NADK2: variants seen among roughly 807,000 people sequenced by gnomAD.
NADK2 encodes NAD kinase 2, mitochondrial, also known as NAD kinase domain-containing protein 1, mitochondrial.
A neutral mutation model predicts 62.1 loss-of-function variants in NADK2; 35 were observed. The observed-to-expected ratio is 0.56, with a 90% confidence interval of 0.43 to 0.75. The LOEUF (loss-of-function observed/expected upper bound fraction) is 0.75. NADK2 is among the 30% of genes least tolerant of loss of function. The probability of loss-of-function intolerance (pLI) is 0.00; values close to 1 mark genes in which losing one functional copy is unlikely to be tolerated. For synonymous variants in NADK2, 205 were observed against 207.9 expected, an observed-to-expected ratio of 0.99 and a Z score of 0.12; for missense variants, 439 against 561.3, an observed-to-expected ratio of 0.78 and a Z score of 2.20.
rs918272660 is a variant in NADK2, at chr5:36,215,395, A to G, written c.781+2353T>C. ...CAATGTATAATGATCAAATCAGGGT[A>G]TTTAGGATATCCATCACCTCAAATA... On this transcript the variant is annotated intron_variant, in intron 6 of 11. Transcript: ENST00000381937. 2.6e-5 allele frequency among the ~76,000 whole-genome samples: 4 copies of G among 152,216 alleles called. No homozygotes were observed. The East Asian group carries it at 7.7e-4, about 29-fold the overall frequency.
rs1374254384 is a variant in NADK2, at chr5:36,193,136, A to G, written c.*2008T>C. Reference sequence around the variant, plus strand: ...TACATATTAACAGATCTATTTGGACAATCAGATTTCCTTGAGATTAAGGAT... The same window carrying G: ...TACATATTAACAGATCTATTTGGACGATCAGATTTCCTTGAGATTAAGGAT... On this transcript the variant is annotated 3_prime_UTR_variant, in exon 12 of 12. Transcript: ENST00000381937. The G allele has an allele frequency of 6.6e-6, 1 of 152,196 alleles. No homozygotes were observed. The highest frequency in any genetic ancestry group is 1.5e-5 in the Non-Finnish European group (1 of 68,030). 9.4% of individuals were successfully genotyped at this position (152,196 alleles called of 1,614,324 possible).
intron 1 of NADK2, among the ~76,000 whole-genome samples, chr5:36,235,887 AT>A (rs1404379069): frequency 0.1 from 1,819 of 18,012 alleles, 151 homozygotes; most frequent in East Asian, 0.31. Context: ...TATGAAGAAA[AT>A]ATATATATAT....
intron 1 of NADK2, among the ~76,000 whole-genome samples, chr5:36,227,796 G>A (rs1747538186): frequency 6.6e-6 from 1 of 151,372 alleles, no homozygotes; most frequent in African/African-American, 2.4e-5. Flanking sequence ...ATAGTCACCA[G>A]GATCTCAAAA....
intron 1 of NADK2, among the ~76,000 whole-genome samples, chr5:36,240,681 T>C (rs1413600714): frequency 6.6e-6 from 1 of 152,190 alleles, no homozygotes; most frequent in Non-Finnish European, 1.5e-5. Context: ...ACTCTGGTTT[T>C]TCCCTTGGAT....
At chr5:36,224,429 T>A (rs1747398705) in intron 4 of NADK2, among the ~76,000 whole-genome samples, 1 of 151,748 alleles carries the variant, frequency 6.6e-6, no homozygotes, top group Admixed American at 6.6e-5. Context: ...TGGTGGTGCA[T>A]GCCTATAGTC....
chr5:36,209,920 C>T (rs1375472831), intron 7 of NADK2, among the ~76,000 whole-genome samples: 1 of 152,102 alleles, frequency 6.6e-6, no homozygotes, highest in Admixed American at 6.6e-5. Flanking sequence ...CTGTTCAAAC[C>T]CTTCCGCTGA....
At chr5:36,237,344 A>C (rs892284521) in intron 1 of NADK2, among the ~76,000 whole-genome samples, 1 of 152,222 alleles carries the variant, frequency 6.6e-6, no homozygotes, top group Non-Finnish European at 1.5e-5. Context: ...TAGGCTAAAA[A>C]AAAAGGCACA....
chr5:36,226,363 T>A, intron 3 of NADK2, 112 bp downstream of exon 3: 1 of 723,432 alleles, frequency 1.4e-6, no homozygotes, highest in East Asian at 2.6e-5. Flanking sequence ...CAAAAATGTG[T>A]TTAATGGTAA....
At position 36,211,845 on chromosome 5, in the gene NADK2, T is replaced by C; in HGVS notation, c.859A>G (p.Arg287Gly). 6.2e-7 allele frequency: 1 copy of C among 1,612,136 alleles called. No individual in the cohort carries two copies. Among genetic ancestry groups the C allele is most frequent in the Non-Finnish European group, 8.5e-7 (1 of 1,178,832 alleles). Residue 287 changes from arginine (R) to glycine (G), a missense_variant and splice_region_variant, in exon 7 of 12, where the codon AGG becomes GGG. Arg to Gly is a moderately radical substitution (Grantham distance 125, BLOSUM62 -2). Transcript: ENST00000381937. Reference sequence around the variant, plus strand: ...TCAAGATCACAGGTTTAAAAGTACCTGGATGACAGACTCTCCCCAATGAAG... The same window carrying C: ...TCAAGATCACAGGTTTAAAAGTACCCGGATGACAGACTCTCCCCAATGAAG... ...EVFIGESLSS[R>G]ASYYEISVDD...
At chr5:36,210,557 AT>A (rs1561061930) in intron 7 of NADK2, among the ~76,000 whole-genome samples, 3 of 152,162 alleles carry the variant, frequency 2.0e-5, no homozygotes, top group African/African-American at 7.2e-5. Context: ...ATGAAAAAAA[AT>A]CATACAAATT....
At chr5:36,233,135 G>C (rs1747767194) in intron 1 of NADK2, among the ~76,000 whole-genome samples, 1 of 152,054 alleles carries the variant, frequency 6.6e-6, no homozygotes, top group East Asian at 1.9e-4. Context: ...TGTACTTTAA[G>C]TTCATGCTGC....
At chr5:36,240,386 T>G (rs1274802470) in intron 1 of NADK2, among the ~76,000 whole-genome samples, 1 of 152,212 alleles carries the variant, frequency 6.6e-6, no homozygotes, top group Non-Finnish European at 1.5e-5. Context: ...ACAATTTCAT[T>G]TTGATGCCTC....
intron 1 of NADK2, 94 bp from the exon 2 acceptor site, chr5:36,227,659 T>G: frequency 1.6e-6 from 1 of 606,478 alleles, no homozygotes; most frequent in Non-Finnish European, 2.5e-6. Flanking sequence ...TAAAATATAA[T>G]TTTTTGAAAA....
At chr5:36,230,459 C>T (rs1022193967) in intron 1 of NADK2, among the ~76,000 whole-genome samples, 22 of 152,330 alleles carry the variant, frequency 1.4e-4, no homozygotes, top group African/African-American at 4.8e-4. Context: ...CCTAAAATTT[C>T]CTGGTATTTT....
chr5:36,240,017 T>A (rs1182701059), intron 1 of NADK2, among the ~76,000 whole-genome samples: 1 of 152,200 alleles, frequency 6.6e-6, no homozygotes, highest in East Asian at 1.9e-4. Context: ...TATGCATACA[T>A]GGCATTTGAC....
intron 10 of NADK2, among the ~76,000 whole-genome samples, chr5:36,198,906 G>C (rs1393365025): frequency 6.6e-6 from 1 of 151,782 alleles, no homozygotes; most frequent in East Asian, 1.9e-4. Flanking sequence ...CCCAACAAAG[G>C]AGGTCTTATG....
At chr5:36,199,793 C>A (rs1253176325) in intron 10 of NADK2, among the ~76,000 whole-genome samples, 1 of 151,936 alleles carries the variant, frequency 6.6e-6, no homozygotes, top group African/African-American at 2.4e-5. Context: ...AGCACTAATT[C>A]TCTTACAGGA....
chr5:36,240,642 TG>T lies in NADK2; in HGVS notation c.300+856del, dbSNP rs200225466. On this transcript the variant is annotated intron_variant, in intron 1 of 11. Coordinates refer to ENST00000381937, the MANE Select transcript of NADK2 (RefSeq NM_001085411.3). ...GATCAGAAACTGTTTTTAAAGTTGG[TG>T]GGGGGGGATGACAACAGGAAGATTC... Among the ~76,000 whole-genome samples, 55 of 151,784 alleles carry T rather than the reference TG, an allele frequency of 3.6e-4. 1 individual carries two copies. The highest frequency in any genetic ancestry group is 5.5e-4 in the Non-Finnish European group (37 of 67,880).
chr5:36,226,435 T>C (rs1747484930), intron 3 of NADK2, 40 bp downstream of exon 3: 1 of 1,494,830 alleles, frequency 6.7e-7, no homozygotes, highest in Non-Finnish European at 9.3e-7. Context: ...GTATTAAACA[T>C]TTGTATATGC....
Sources: allele counts gnomAD v4.1 joint callset (sites outside exome capture counted in the v4.1 genomes callset), GRCh38; gene constraint gnomAD v4.1.1; transcripts MANE v1.5; gene names NCBI Gene and HGNC (gene_info 2026-07-23, HGNC 2026-07-21).